The following MAMDC2 variants were observed in gnomAD, a reference collection of about 807,000 sequenced individuals.
The protein encoded by MAMDC2 is MAM domain containing 2.
A neutral mutation model predicts 89.8 loss-of-function variants in MAMDC2; 57 were observed. The observed-to-expected ratio is 0.63, with a 90% CI of 0.51 to 0.79. The LOEUF (loss-of-function observed/expected upper bound fraction) is 0.79. Ranked by LOEUF, MAMDC2 falls within the 30% of genes least tolerant of loss-of-function variation. The pLI is 0.00. For missense variants in MAMDC2, 800 were observed against 820.6 expected (o/e 0.97, Z 0.31); for synonymous variants, 313 against 293.4 (o/e 1.07, Z -0.68).
intron 4 of MAMDC2, among the ~76,000 whole-genome samples, chr9:70,110,566 G>A (rs1828482851): frequency 6.6e-6 from 1 of 152,146 alleles, no homozygotes; most frequent in South Asian, 2.1e-4. Flanking sequence ...GCAGGTTCAG[G>A]CAAAGGCAAG....
chr9:70,075,716 A>G (rs1406262857), intron 2 of MAMDC2, among the ~76,000 whole-genome samples: 2 of 152,232 alleles, frequency 1.3e-5, no homozygotes, highest in Admixed American at 6.5e-5. Context: ...AATCTAGCCT[A>G]CAACTACAAT....
chr9:70,151,883 G>A (rs1488714849), intron 9 of MAMDC2, among the ~76,000 whole-genome samples: 1 of 152,128 alleles, frequency 6.6e-6, no homozygotes, highest in Admixed American at 6.5e-5. Flanking sequence ...ACCTGCCTAT[G>A]CTTTTTGTGA....
Position 70,218,602 on chromosome 9 carries a change from C to A in MAMDC2, c.1911+6C>A, listed in dbSNP as rs763560393. 6.3e-7 allele frequency: 1 copy of A among 1,597,628 alleles called. No individual in the cohort carries two copies. Among genetic ancestry groups the A allele is most frequent in the Non-Finnish European group, 8.5e-7 (1 of 1,170,262 alleles). On this transcript the variant is annotated splice_donor_region_variant and intron_variant, in intron 12 of 13. Coordinates refer to ENST00000377182, the MANE Select transcript of MAMDC2 (RefSeq NM_153267.5). ...GCTGTGAGAGGCAACACCAGGTAAG[C>A]CAACAGAGATAAGAACTAAGCAATG...
intron 2 of MAMDC2, among the ~76,000 whole-genome samples, chr9:70,099,980 A>AAGGG (rs1828126567): frequency 8.7e-6 from 1 of 115,562 alleles, no homozygotes; most frequent in Non-Finnish European, 1.7e-5. Flanking sequence ...GCCAAAAAGA[A>AAGGG]AGAGAGAGAG....
intron 2 of MAMDC2, among the ~76,000 whole-genome samples, chr9:70,075,432 C>A (rs1266740772): frequency 6.6e-6 from 1 of 152,198 alleles, no homozygotes; most frequent in East Asian, 1.9e-4. Flanking sequence ...GCTACCAGAT[C>A]AGAATATCTG....
At chr9:70,164,325 G>T (rs1473424458) in intron 9 of MAMDC2, among the ~76,000 whole-genome samples, 1 of 152,204 alleles carries the variant, frequency 6.6e-6, no homozygotes. Context: ...TAGTATAGTA[G>T]AGAGTAAGTT....
intron 10 of MAMDC2, 124 bp from the exon 11 acceptor site, chr9:70,170,355 G>T: frequency 9.0e-7 from 1 of 1,114,850 alleles, no homozygotes; most frequent in South Asian, 1.9e-5. Context: ...GGCCACCAGT[G>T]GGGGCTGCCT....
At chr9:70,093,428 T>G (rs916741763) in intron 2 of MAMDC2, among the ~76,000 whole-genome samples, 2 of 151,392 alleles carry the variant, frequency 1.3e-5, no homozygotes, top group Non-Finnish European at 2.9e-5. Context: ...GACAGTTTTT[T>G]TTTTTTTTTT....
At chr9:70,118,333 C>CACACACACACACAG (rs1379356603) in intron 5 of MAMDC2, among the ~76,000 whole-genome samples, 9 of 82,688 alleles carry the variant, frequency 1.1e-4, no homozygotes, top group African/African-American at 3.3e-4. Context: ...CACACACACA[C>CACACACACACACAG]ACACACACAC....
chr9:70,064,509 A>G (rs1827220333), intron 2 of MAMDC2, among the ~76,000 whole-genome samples: 1 of 152,198 alleles, frequency 6.6e-6, no homozygotes, highest in Admixed American at 6.5e-5. Flanking sequence ...GAACCACTAC[A>G]ACCAATTTCT....
chr9:70,185,814 G>T (rs1048637803), intron 11 of MAMDC2, among the ~76,000 whole-genome samples: 1 of 152,178 alleles, frequency 6.6e-6, no homozygotes, highest in South Asian at 2.1e-4. Context: ...AGCTTGCTGG[G>T]TTCCATGGGA....
In MAMDC2 at chr9:70,043,925, G is replaced by T. The variant is rs1232037247; in HGVS notation, c.-273G>T. On this transcript the variant is annotated 5_prime_UTR_variant, in exon 1 of 14. Transcript: ENST00000377182. ...CTCCTCCCTGTCCAGCCCCATCGTCGCCCAGGACCAGCTGGGCCGCGGTCT... is the reference window on the plus strand; with the variant it reads ...CTCCTCCCTGTCCAGCCCCATCGTCTCCCAGGACCAGCTGGGCCGCGGTCT... 1.4e-5 allele frequency: 8 copies of T among 572,382 alleles called. No individual in the cohort carries two copies. The highest frequency in any genetic ancestry group is 1.9e-5 in the Non-Finnish European group (6 of 321,240). The allele number at this position is 572,382 out of a possible 1,614,324, so 35.5% of individuals were successfully genotyped here.
chr9:70,073,306 G>C (rs1827452117), intron 2 of MAMDC2, among the ~76,000 whole-genome samples: 1 of 152,182 alleles, frequency 6.6e-6, no homozygotes, highest in Non-Finnish European at 1.5e-5. Flanking sequence ...TTTAATTTGT[G>C]GTACTTGTAC....
chr9:70,170,758 C>A, intron 11 of MAMDC2, 127 bp downstream of exon 11: 1 of 829,114 alleles, frequency 1.2e-6, no homozygotes, highest in Non-Finnish European at 1.8e-6. Context: ...ACTTGTGATT[C>A]TACACACACA....
chr9:70,219,679 C>A (rs960017696), intron 12 of MAMDC2, among the ~76,000 whole-genome samples: 7 of 152,202 alleles, frequency 4.6e-5, no homozygotes, highest in African/African-American at 1.4e-4. Flanking sequence ...CTGGGAAAGG[C>A]CCATTATCCC....
Position 70,113,084 on chromosome 9 carries a change from A to C in MAMDC2, c.595A>C (p.Asn199His), listed in dbSNP as rs754405771. Residue 199 changes from asparagine to histidine, a missense_variant, in exon 5 of 14, where the codon AAT becomes CAT. Transcript: ENST00000377182. The part of the protein sequence containing the change: ...NWFVGGGSIR[N>H]VHSILPQDHT... ...GTTTGTTGGAGGAGGAAGTATTCGG[A>C]ATGTCCACTCCATTCTCCCACAGGA... 1.9e-6 allele frequency: 3 copies of C among 1,614,092 alleles called. No homozygotes were observed. The highest frequency in any genetic ancestry group is 2.5e-6 in the Non-Finnish European group (3 of 1,179,976).
intron 12 of MAMDC2, among the ~76,000 whole-genome samples, chr9:70,223,977 C>T (rs2033607309): frequency 6.6e-6 from 1 of 151,994 alleles, no homozygotes; most frequent in Non-Finnish European, 1.5e-5. Flanking sequence ...AGTGTCTGGC[C>T]AAATCATAGA....
chr9:70,219,706 T>C (rs1485493484), intron 12 of MAMDC2, among the ~76,000 whole-genome samples: 1 of 152,228 alleles, frequency 6.6e-6, no homozygotes, highest in Non-Finnish European at 1.5e-5. Context: ...GATAAACACC[T>C]AGACATTTGG....
intron 11 of MAMDC2, chr9:70,217,319 C>G (rs573759958): frequency 1.9e-5 from 26 of 1,387,796 alleles, no homozygotes; most frequent in South Asian, 8.1e-5. Context: ...GCATTCCTTT[C>G]CAAGAGGAAT....
Sources: gnomAD v4.1 joint callset for allele counts (sites outside exome capture counted in the v4.1 genomes callset) on GRCh38, gnomAD v4.1.1 for gene constraint, MANE v1.5 for transcripts, NCBI Gene and HGNC (gene_info 2026-07-23, HGNC 2026-07-21) for gene names.